MSRA: variants seen among roughly 807,000 people sequenced by gnomAD.
MSRA encodes the protein methionine sulfoxide reductase A.
MSRA carries 54 observed loss-of-function variants against 31.3 expected under a neutral mutation model. That is an observed-to-expected ratio of 1.73 (90% CI 1.39 to 2.17). The LOEUF is 2.17. Among genes scored for constraint, MSRA ranks in the 30% most tolerant of loss-of-function variants. The pLI, the probability that MSRA is intolerant of heterozygous loss-of-function variation, is 0.00. For synonymous variants in MSRA, 169 were observed against 116.5 expected, an observed-to-expected ratio of 1.45 and a Z score of -2.90; for missense variants, 507 against 300.9, an observed-to-expected ratio of 1.69 and a Z score of -5.07.
chr8:10,056,445 C>G (rs1190920863), intron 1 of MSRA, among the ~76,000 whole-genome samples: 1 of 151,554 alleles, frequency 6.6e-6, no homozygotes, highest in African/African-American at 2.4e-5. Context: ...GGACCTGGTT[C>G]TTTTCCAGGC....
chr8:10,168,317 A>G (rs1256648827), intron 1 of MSRA, among the ~76,000 whole-genome samples: 1 of 152,088 alleles, frequency 6.6e-6, no homozygotes, highest in Non-Finnish European at 1.5e-5. Context: ...TCTAAACAGT[A>G]TCTCTCTCTA....
chr8:10,378,530 G>C (rs1281826539), intron 5 of MSRA, among the ~76,000 whole-genome samples: 1 of 152,202 alleles, frequency 6.6e-6, no homozygotes, highest in Admixed American at 6.5e-5. Context: ...AACAGGCTGG[G>C]TGAGACTGGG....
At chr8:10,353,679 G>T in intron 5 of MSRA, 1 of 456,212 alleles carries the variant, frequency 2.2e-6, no homozygotes, top group South Asian at 1.5e-5. Flanking sequence ...GGGAAGATGA[G>T]TATAGGGACT....
chr8:10,135,325 T>C (rs950787053), intron 1 of MSRA, among the ~76,000 whole-genome samples: 3 of 152,218 alleles, frequency 2.0e-5, no homozygotes, highest in Non-Finnish European at 4.4e-5. Context: ...CCTAAATCTC[T>C]AAGGTGACAA....
At chr8:10,291,463 A>G (rs918196377) in intron 3 of MSRA, among the ~76,000 whole-genome samples, 1 of 152,110 alleles carries the variant, frequency 6.6e-6, no homozygotes, top group Non-Finnish European at 1.5e-5. Flanking sequence ...CACTCCTCAA[A>G]TCCTATAATG....
chr8:10,070,969 A>G (rs1470847710), intron 1 of MSRA, among the ~76,000 whole-genome samples: 2 of 152,212 alleles, frequency 1.3e-5, no homozygotes, highest in African/African-American at 4.8e-5. Context: ...ATTCATGTCC[A>G]GGTTTTTGTG....
chr8:10,082,201 C>T (rs1222664109), intron 1 of MSRA, among the ~76,000 whole-genome samples: 1 of 152,086 alleles, frequency 6.6e-6, no homozygotes, highest in East Asian at 1.9e-4. Flanking sequence ...TGAAACCCTG[C>T]TGCTAAAAAA....
chr8:10,178,258 T>C (rs1806228282), intron 1 of MSRA, among the ~76,000 whole-genome samples: 1 of 152,120 alleles, frequency 6.6e-6, no homozygotes, highest in Admixed American at 6.5e-5. Context: ...TTTACCATAC[T>C]CTGACAGTAA....
At chr8:10,387,592 C>T (rs1008803439) in intron 5 of MSRA, among the ~76,000 whole-genome samples, 4 of 152,054 alleles carry the variant, frequency 2.6e-5, no homozygotes, top group East Asian at 1.9e-4. Flanking sequence ...TTCTTCTTAG[C>T]GCTGGTGGAT....
At chr8:10,080,451 C>T (rs1348985103) in intron 1 of MSRA, among the ~76,000 whole-genome samples, 2 of 151,992 alleles carry the variant, frequency 1.3e-5, no homozygotes, top group Non-Finnish European at 2.9e-5. Flanking sequence ...AGCCGAGGTT[C>T]TTTCCACAGG....
chr8:10,405,280 G>A (rs1328124642), intron 5 of MSRA, among the ~76,000 whole-genome samples: 1 of 152,004 alleles, frequency 6.6e-6, no homozygotes, highest in Admixed American at 6.5e-5. Context: ...GTATTGCCAG[G>A]CCACCCAGCT....
At chr8:10,056,310 A>G (rs1014799623) in intron 1 of MSRA, among the ~76,000 whole-genome samples, 1 of 152,096 alleles carries the variant, frequency 6.6e-6, no homozygotes, top group African/African-American at 2.4e-5. Context: ...TATCTTAACC[A>G]AAGTCTTCCC....
At chr8:10,373,711 G>GT (rs1563407494) in intron 5 of MSRA, among the ~76,000 whole-genome samples, 2 of 152,252 alleles carry the variant, frequency 1.3e-5, no homozygotes, top group African/African-American at 4.8e-5. Flanking sequence ...AACACCAGGA[G>GT]TGAGGGCACG....
At chr8:10,330,204 T>C (rs1214815432) in intron 5 of MSRA, among the ~76,000 whole-genome samples, 2 of 107,898 alleles carry the variant, frequency 1.9e-5, no homozygotes, top group African/African-American at 6.7e-5. Flanking sequence ...TTAAATGTGA[T>C]ATACACACAC....
chr8:10,215,522 T>C (rs1809913105), intron 2 of MSRA, among the ~76,000 whole-genome samples: 1 of 152,186 alleles, frequency 6.6e-6, no homozygotes. Context: ...CCAACATCAC[T>C]AGGCTCTATG....
chr8:10,103,699 TTATATA>T (rs970567713), intron 1 of MSRA, among the ~76,000 whole-genome samples: 1 of 151,358 alleles, frequency 6.6e-6, no homozygotes, highest in East Asian at 1.9e-4. Flanking sequence ...ATAGACTGTT[TTATATA>T]TATATATATT....
At chr8:10,064,565 A>G (rs980264692) in intron 1 of MSRA, among the ~76,000 whole-genome samples, 11 of 152,238 alleles carry the variant, frequency 7.2e-5, no homozygotes, top group African/African-American at 2.7e-4. Flanking sequence ...TTAGATGATT[A>G]TAAATACATT....
chr8:10,201,590 A>G (rs1478031451), intron 1 of MSRA, among the ~76,000 whole-genome samples: 1 of 152,210 alleles, frequency 6.6e-6, no homozygotes, highest in Non-Finnish European at 1.5e-5. Context: ...GCATTATTGT[A>G]GATGTGTTAC....
At chr8:10,070,876 T>G (rs1308685300) in intron 1 of MSRA, among the ~76,000 whole-genome samples, 2 of 152,208 alleles carry the variant, frequency 1.3e-5, no homozygotes, top group Non-Finnish European at 2.9e-5. Context: ...GGTGTGGATG[T>G]ACCACAGTTT....
Sources: allele counts gnomAD v4.1 joint callset (sites outside exome capture counted in the v4.1 genomes callset), GRCh38; gene constraint gnomAD v4.1.1; transcripts MANE v1.5; gene names NCBI Gene and HGNC (gene_info 2026-07-23, HGNC 2026-07-21).